FRMD5: variants seen among roughly 807,000 people sequenced by gnomAD.
FRMD5 encodes the protein FERM domain containing 5, also known as FERM domain-containing protein 5.
FRMD5 carries 20 observed loss-of-function variants against 69.0 expected under a neutral mutation model. The observed-to-expected ratio is 0.29, with a 90% CI of 0.20 to 0.42. The LOEUF is 0.42. Ranked by LOEUF, FRMD5 falls within the 10% of genes least tolerant of loss-of-function variation. The pLI is 1.00. For missense variants in FRMD5, 595 were observed against 708.6 expected (o/e 0.84, Z 1.82); for synonymous variants, 271 against 260.1 (o/e 1.04, Z -0.40).
chr15:43,909,152 C>T (rs562815733), intron 5 of FRMD5, among the ~76,000 whole-genome samples: 2 of 151,828 alleles, frequency 1.3e-5, no homozygotes, highest in Non-Finnish European at 2.9e-5. Context: ...ACCAGCACTT[C>T]GGGAGGCTGA....
At chr15:44,168,518 G>T (rs923909758) in intron 1 of FRMD5, among the ~76,000 whole-genome samples, 4 of 152,130 alleles carry the variant, frequency 2.6e-5, no homozygotes, top group African/African-American at 4.8e-5. Flanking sequence ...TTTATTTTGG[G>T]TGGTGAACAC....
chr15:44,030,801 T>C (rs548329680), intron 1 of FRMD5, among the ~76,000 whole-genome samples: 1 of 152,254 alleles, frequency 6.6e-6, no homozygotes, highest in East Asian at 1.9e-4. Context: ...CACTTGAAGT[T>C]ACGTGGAAAG....
intron 1 of FRMD5, among the ~76,000 whole-genome samples, chr15:44,161,876 T>G (rs572069594): frequency 6.6e-6 from 1 of 152,372 alleles, no homozygotes; most frequent in South Asian, 2.1e-4. Flanking sequence ...TGTACTGAAC[T>G]GCCATCTTTA....
At chr15:44,008,899 G>C (rs978627969) in intron 1 of FRMD5, among the ~76,000 whole-genome samples, 1 of 152,010 alleles carries the variant, frequency 6.6e-6, no homozygotes, top group Non-Finnish European at 1.5e-5. Context: ...GGTGGCAGGC[G>C]CCTGTAGTCC....
At chr15:44,127,905 G>A (rs987028857) in intron 1 of FRMD5, among the ~76,000 whole-genome samples, 3 of 152,014 alleles carry the variant, frequency 2.0e-5, no homozygotes, top group Admixed American at 1.3e-4. Flanking sequence ...AGCAGATGTC[G>A]ATAATATTCT....
intron 1 of FRMD5, among the ~76,000 whole-genome samples, chr15:44,150,320 A>G (rs887354452): frequency 6.6e-6 from 1 of 152,194 alleles, no homozygotes; most frequent in African/African-American, 2.4e-5. Flanking sequence ...ATTATGCAAG[A>G]ATAAGAAATA....
intron 1 of FRMD5, among the ~76,000 whole-genome samples, chr15:43,947,459 TA>T (rs922791659): frequency 1.5e-4 from 23 of 152,222 alleles, no homozygotes; most frequent in African/African-American, 5.3e-4. Context: ...TATGGCTTTA[TA>T]AAAAGCAATT....
At chr15:44,119,621 A>G (rs975065400) in intron 1 of FRMD5, among the ~76,000 whole-genome samples, 5 of 152,114 alleles carry the variant, frequency 3.3e-5, no homozygotes, top group African/African-American at 1.2e-4. Flanking sequence ...GCAGGTTCTG[A>G]TAATAAAGGA....
chr15:44,137,043 T>G (rs1242174034), intron 1 of FRMD5, among the ~76,000 whole-genome samples: 1 of 152,200 alleles, frequency 6.6e-6, no homozygotes, highest in Non-Finnish European at 1.5e-5. Flanking sequence ...GATTTAATAT[T>G]TAGGTGCTAA....
chr15:43,916,606 T>A (rs1486218635), intron 4 of FRMD5, among the ~76,000 whole-genome samples: 2 of 152,092 alleles, frequency 1.3e-5, no homozygotes, highest in African/African-American at 4.8e-5. Flanking sequence ...TATAAATGAG[T>A]AATCTAAGGT....
chr15:44,109,140 G>A (rs1251069410), intron 1 of FRMD5, among the ~76,000 whole-genome samples: 1 of 151,934 alleles, frequency 6.6e-6, no homozygotes, highest in East Asian at 1.9e-4. Context: ...TATCATTAAT[G>A]GTTATGTTCC....
chr15:44,117,990 A>ATTTTTTTTTTTTTTT (rs2076893744), intron 1 of FRMD5, among the ~76,000 whole-genome samples: 1 of 102,136 alleles, frequency 9.8e-6, no homozygotes. Flanking sequence ...TTTCTTTTTT[A>ATTTTTTTTTTTTTTT]CTTTTTTTTT....
chr15:44,052,116 C>G (rs1427691444), intron 1 of FRMD5, among the ~76,000 whole-genome samples: 2 of 152,112 alleles, frequency 1.3e-5, no homozygotes, highest in African/African-American at 4.8e-5. Flanking sequence ...AATTTTTCTT[C>G]ATGGGAGATT....
intron 13 of FRMD5, chr15:43,876,317 A>G (rs1316730369): frequency 2.9e-6 from 3 of 1,037,304 alleles, no homozygotes; most frequent in Non-Finnish European, 4.4e-6. Context: ...CTGAATTCCA[A>G]ACTACCCCTG....
chr15:43,944,002 T>G (rs571873447), intron 1 of FRMD5, among the ~76,000 whole-genome samples: 4 of 152,358 alleles, frequency 2.6e-5, no homozygotes, highest in African/African-American at 9.6e-5. Flanking sequence ...TATTTTGCAC[T>G]TGGGGCTCTC....
chr15:44,007,332 C>T (rs1047040787), intron 1 of FRMD5, among the ~76,000 whole-genome samples: 2 of 152,118 alleles, frequency 1.3e-5, no homozygotes, highest in African/African-American at 4.8e-5. Flanking sequence ...TTGCACTATC[C>T]ACTTTATTGC....
intron 1 of FRMD5, among the ~76,000 whole-genome samples, chr15:44,020,590 G>A (rs138033377): frequency 5.9e-5 from 9 of 152,300 alleles, no homozygotes; most frequent in East Asian, 3.9e-4. Flanking sequence ...AAAACTGTAC[G>A]TTGGAGCTTT....
chr15:43,887,772 C>G (rs1377166267), intron 10 of FRMD5, among the ~76,000 whole-genome samples: 5 of 152,200 alleles, frequency 3.3e-5, no homozygotes, highest in Non-Finnish European at 7.3e-5. Flanking sequence ...AGGGCTCACC[C>G]CAGGTAGAAT....
intron 1 of FRMD5, among the ~76,000 whole-genome samples, chr15:44,121,814 G>GC (rs2076955532): frequency 6.6e-6 from 1 of 151,716 alleles, no homozygotes; most frequent in Admixed American, 6.6e-5. Flanking sequence ...GGCCAATATG[G>GC]CGAAACCCTG....
Sources: allele counts gnomAD v4.1 joint callset (sites outside exome capture counted in the v4.1 genomes callset), GRCh38; gene constraint gnomAD v4.1.1; transcripts MANE v1.5; gene names NCBI Gene and HGNC (gene_info 2026-07-23, HGNC 2026-07-21).